MACROD2: variants seen among roughly 807,000 people sequenced by gnomAD.
MACROD2 encodes the protein mono-ADP ribosylhydrolase 2.
Under a neutral mutation model 70.4 loss-of-function variants are expected in MACROD2, and 36 were observed. That is an observed-to-expected ratio of 0.51 (90% CI 0.39 to 0.68). MACROD2 has a LOEUF of 0.68. Among genes scored for constraint, MACROD2 ranks in the 30% least tolerant of loss-of-function variants. The probability of loss-of-function intolerance (pLI) is 0.00; values close to 1 mark genes in which losing one functional copy is unlikely to be tolerated. For synonymous variants in MACROD2, 172 were observed against 178.8 expected (o/e 0.96, Z 0.30); for missense variants, 496 against 538.4 (o/e 0.92, Z 0.78).
chr20:15,331,032 G>A (rs2077986161), intron 6 of MACROD2, among the ~76,000 whole-genome samples: 1 of 151,510 alleles, frequency 6.6e-6, no homozygotes, highest in Non-Finnish European at 1.5e-5. Flanking sequence ...TATGAAAAGA[G>A]AAAATCGTGA....
In MACROD2 at chr20:15,030,666, C is replaced by CAGATAGAT. The variant is rs60260667; in HGVS notation, c.419-199259_419-199252dup. ...TAAGGATAAAATATAGATAGATAGA[C>CAGATAGAT]AGATAGATAGATAGATAGATAGTCT... On this transcript the variant is annotated intron_variant, in intron 5 of 17. Coordinates refer to ENST00000684519, the MANE Select transcript of MACROD2 (RefSeq NM_001351661.2). 3.1e-3 allele frequency among the ~76,000 whole-genome samples: 477 copies of CAGATAGAT among 151,860 alleles called. 2 individuals carry two copies. Among genetic ancestry groups the CAGATAGAT allele is most frequent in the African/African-American group, 0.01 (425 of 41,268 alleles).
chr20:15,339,123 A>G (rs1568732450), intron 6 of MACROD2, among the ~76,000 whole-genome samples: 1 of 151,844 alleles, frequency 6.6e-6, no homozygotes, highest in East Asian at 1.9e-4. Flanking sequence ...CAAAAGAAGT[A>G]TTTTAAATGT....
At chr20:15,325,380 G>T (rs1345457850) in intron 6 of MACROD2, among the ~76,000 whole-genome samples, 1 of 152,126 alleles carries the variant, frequency 6.6e-6, no homozygotes, top group Non-Finnish European at 1.5e-5. Context: ...ATCTGTGTTT[G>T]TTCACAGCTT....
chr20:14,657,203 A>G (rs1394146977), intron 4 of MACROD2, among the ~76,000 whole-genome samples: 5 of 152,248 alleles, frequency 3.3e-5, no homozygotes, highest in South Asian at 2.1e-4. Context: ...ATTACAAAAT[A>G]TAATCTAATA....
chr20:15,096,717 G>A (rs761585227), intron 5 of MACROD2, among the ~76,000 whole-genome samples: 1 of 151,328 alleles, frequency 6.6e-6, no homozygotes, highest in Non-Finnish European at 1.5e-5. Flanking sequence ...TCACCATGTT[G>A]ACCAGGCTGG....
intron 3 of MACROD2, among the ~76,000 whole-genome samples, chr20:14,471,562 T>C (rs903239470): frequency 1.3e-5 from 2 of 152,330 alleles, no homozygotes; most frequent in Non-Finnish European, 2.9e-5. Context: ...CTGCTTCTGT[T>C]AATTGATGGC....
chr20:15,779,989 T>A (rs1228455603), intron 8 of MACROD2, among the ~76,000 whole-genome samples: 1 of 152,080 alleles, frequency 6.6e-6, no homozygotes, highest in Non-Finnish European at 1.5e-5. Context: ...GTTAGCACAT[T>A]TAGCTTAGAG....
chr20:15,970,490 T>TCTC (rs146178264), intron 13 of MACROD2, among the ~76,000 whole-genome samples: 4,482 of 152,228 alleles, frequency 0.029, 218 homozygotes, highest in African/African-American at 0.1. Context: ...ACTTTGTAAG[T>TCTC]CTCAGTGGCC....
chr20:15,334,836 C>T (rs1015951142), intron 6 of MACROD2, among the ~76,000 whole-genome samples: 1 of 151,488 alleles, frequency 6.6e-6, no homozygotes, highest in Non-Finnish European at 1.5e-5. Context: ...ATTTAAACCT[C>T]GATTAGAAAC....
chr20:15,121,271 G>T (rs1168259502), intron 5 of MACROD2, among the ~76,000 whole-genome samples: 2 of 152,080 alleles, frequency 1.3e-5, no homozygotes, highest in African/African-American at 4.8e-5. Flanking sequence ...CAGCACTTTG[G>T]GAAGCCAAGG....
chr20:15,719,820 TC>T (rs2050760906), intron 8 of MACROD2, among the ~76,000 whole-genome samples: 1 of 152,176 alleles, frequency 6.6e-6, no homozygotes, highest in African/African-American at 2.4e-5. Context: ...AATTCTCTCT[TC>T]TAGCTATTTT....
At chr20:14,530,649 C>T (rs2085291487) in intron 4 of MACROD2, among the ~76,000 whole-genome samples, 1 of 152,172 alleles carries the variant, frequency 6.6e-6, no homozygotes, top group South Asian at 2.1e-4. Context: ...ACTATTAGCT[C>T]TAATTGTTAG....
At chr20:14,239,533 G>C (rs969603977) in intron 3 of MACROD2, among the ~76,000 whole-genome samples, 1 of 152,138 alleles carries the variant, frequency 6.6e-6, no homozygotes, top group African/African-American at 2.4e-5. Flanking sequence ...GACAAATGGA[G>C]CAGAATAGAG....
intron 3 of MACROD2, among the ~76,000 whole-genome samples, chr20:14,441,897 A>C (rs1222487153): frequency 6.6e-6 from 1 of 151,634 alleles, no homozygotes; most frequent in Admixed American, 6.6e-5. Context: ...TGACTTCTAA[A>C]AACACTAGCT....
chr20:15,121,533 A>G (rs1360274625), intron 5 of MACROD2, among the ~76,000 whole-genome samples: 2 of 149,946 alleles, frequency 1.3e-5, no homozygotes, highest in East Asian at 1.9e-4. Context: ...AAAAAAAAGA[A>G]AAAAGAAAGA....
At chr20:14,060,768 G>A (rs185627146) in intron 2 of MACROD2, among the ~76,000 whole-genome samples, 4 of 152,278 alleles carry the variant, frequency 2.6e-5, no homozygotes, top group African/African-American at 7.2e-5. Context: ...TATTTCAGAT[G>A]TGCATAGGAC....
chr20:14,137,797 T>G (rs1316157786), intron 3 of MACROD2, among the ~76,000 whole-genome samples: 1 of 152,170 alleles, frequency 6.6e-6, no homozygotes, highest in Non-Finnish European at 1.5e-5. Context: ...TACACTAAAC[T>G]AATAGGTTTC....
intron 5 of MACROD2, among the ~76,000 whole-genome samples, chr20:14,946,199 C>CAAAA (rs113847000): frequency 7.0e-6 from 1 of 143,040 alleles, no homozygotes; most frequent in Admixed American, 7.1e-5. Context: ...AACTCTGTCT[C>CAAAA]AAAAAAAAAA....
intron 6 of MACROD2, among the ~76,000 whole-genome samples, chr20:15,344,435 GACAA>G (rs1221966116): frequency 2.0e-5 from 3 of 152,150 alleles, no homozygotes; most frequent in Admixed American, 6.6e-5. Context: ...CAGGCTTAGG[GACAA>G]ACAAACACTA....
Sources: gnomAD v4.1 joint callset for allele counts (sites outside exome capture counted in the v4.1 genomes callset) on GRCh38, gnomAD v4.1.1 for gene constraint, MANE v1.5 for transcripts, NCBI Gene and HGNC (gene_info 2026-07-23, HGNC 2026-07-21) for gene names.